TNS1: variants seen among roughly 807,000 people sequenced by gnomAD.
TNS1 encodes the protein tensin 1.
Under a neutral mutation model 168.6 loss-of-function variants are expected in TNS1, and 62 were observed. The observed-to-expected ratio is 0.37, with a 90% CI of 0.30 to 0.45. TNS1 has a LOEUF of 0.45. Among genes scored for constraint, TNS1 ranks in the 20% least tolerant of loss-of-function variants. The pLI, the probability that TNS1 is intolerant of heterozygous loss-of-function variation, is 1.00. For missense variants in TNS1, 2,240 were observed against 2,339.4 expected (o/e 0.96, Z 0.88); for synonymous variants, 934 against 933.2 (o/e 1.00, Z -0.02).
chr2:217,809,012 C>A (rs1262015802), intron 30 of TNS1, among the ~76,000 whole-genome samples: 1 of 152,188 alleles, frequency 6.6e-6, no homozygotes, highest in African/African-American at 2.4e-5. Context: ...TCCTAGAAAG[C>A]AGGTCCTTTT....
At chr2:217,807,862 G>T (rs887345716) in intron 32 of TNS1, among the ~76,000 whole-genome samples, 1 of 152,200 alleles carries the variant, frequency 6.6e-6, no homozygotes, top group African/African-American at 2.4e-5. Flanking sequence ...GAAGGCAGCT[G>T]GACCAGACGC....
At chr2:217,831,401 C>G (rs1944397862) in intron 22 of TNS1, 54 bp downstream of exon 22, 25 of 1,461,956 alleles carry the variant, frequency 1.7e-5, no homozygotes, top group Non-Finnish European at 2.3e-5. Context: ...TCCAGAACCA[C>G]AGGAGTCCTC....
chr2:217,890,154 T>A (rs1951598523), intron 12 of TNS1, among the ~76,000 whole-genome samples: 1 of 152,210 alleles, frequency 6.6e-6, no homozygotes, highest in Non-Finnish European at 1.5e-5. Context: ...CATCACACGA[T>A]AGCTCACCGT....
chr2:218,010,353 C>A, exon 1 of TNS1: 1 of 394,738 alleles, frequency 2.5e-6, no homozygotes, highest in Admixed American at 4.4e-5. Context: ...AGGAGCAGCC[C>A]GTGTCCTGCT....
intron 3 of TNS1, among the ~76,000 whole-genome samples, chr2:217,952,816 A>G (rs74555647): frequency 6.6e-6 from 1 of 152,188 alleles, no homozygotes; most frequent in Non-Finnish European, 1.5e-5. Context: ...AGGGCCCCCA[A>G]ATCAGGGAAA....
At chr2:217,815,708 T>C (rs1941788279) in intron 24 of TNS1, among the ~76,000 whole-genome samples, 1 of 152,216 alleles carries the variant, frequency 6.6e-6, no homozygotes, top group African/African-American at 2.4e-5. Flanking sequence ...TTTTCTCCCA[T>C]GGCCTAAAAC....
In TNS1 at chr2:217,848,830, G is replaced by A. The variant is rs1014781428; in HGVS notation, c.1687C>T (p.Arg563Trp). ...CCACTCAGCAGGCGGTCCAGCTCCC[G>A]CTTCTCCTGGGGACTCAAGGCAGCA... ...ATAALSPQEKRELDRLLSGFG... is the reference protein window; with the variant it reads ...ATAALSPQEKWELDRLLSGFG... The change falls in exon 19 of 33, where the codon CGG becomes TGG. Residue 563 changes from arginine (R) to tryptophan (W), a missense_variant. Arg to Trp is a moderately radical substitution (Grantham distance 101, BLOSUM62 -3). Around this residue, in one of 2 missense-constraint regions of TNS1, gnomAD observed 2,131 missense variants for 2,171.2 expected, o/e 0.98. Coordinates refer to ENST00000682258, the MANE Select transcript of TNS1 (RefSeq NM_001387777.1). The A allele has an allele frequency of 1.4e-5, 22 of 1,613,860 alleles. No individual in the cohort carries two copies. Among genetic ancestry groups the A allele is most frequent in the African/African-American group, 2.7e-5 (2 of 74,870 alleles).
Position 217,814,963 on chromosome 2 carries a change from C to T in TNS1, c.4678G>A (p.Val1560Ile). 6.2e-7 allele frequency: 1 copy of T among 1,613,690 alleles called. No individual in the cohort carries two copies. The highest frequency in any genetic ancestry group is 1.1e-5 in the South Asian group (1 of 90,824). Residue 1560 changes from valine (V) to isoleucine (I), a missense_variant, in exon 25 of 33, where the codon GTC becomes ATC. Val to Ile is a conservative substitution (Grantham distance 29). Transcript: ENST00000682258. ...TACCAATACTTAGAAGTGTCCTGGA[C>T]AAACTTCACTTTAGCCCGCGTCTCC... ...SPETRAKVKFVQDTSKYWYKP... is the reference protein window; with the variant it reads ...SPETRAKVKFIQDTSKYWYKP...
At chr2:217,976,069 G>A (rs992837537) in intron 3 of TNS1, among the ~76,000 whole-genome samples, 1 of 152,046 alleles carries the variant, frequency 6.6e-6, no homozygotes, top group African/African-American at 2.4e-5. Flanking sequence ...CATCATCTGG[G>A]TCCCACCTCA....
At chr2:217,941,647 A>G (rs1330960181) in intron 3 of TNS1, among the ~76,000 whole-genome samples, 1 of 152,178 alleles carries the variant, frequency 6.6e-6, no homozygotes. Context: ...CCAGGCCCTC[A>G]GCATCCCAAG....
At chr2:217,819,152 C>T (rs1942421362) in intron 23 of TNS1, among the ~76,000 whole-genome samples, 1 of 152,198 alleles carries the variant, frequency 6.6e-6, no homozygotes, top group African/African-American at 2.4e-5. Context: ...AATGGAGTTT[C>T]CTGGCTCCTG....
upstream of TNS1, among the ~76,000 whole-genome samples, chr2:218,011,869 C>T (rs1958709851): frequency 6.6e-6 from 1 of 152,110 alleles, no homozygotes; most frequent in Non-Finnish European, 1.5e-5. Flanking sequence ...ATTAGGGGCC[C>T]TCATCCTCTA....
chr2:217,877,526 G>A (rs1950299997), intron 18 of TNS1, among the ~76,000 whole-genome samples: 1 of 152,210 alleles, frequency 6.6e-6, no homozygotes, highest in Admixed American at 6.5e-5. Flanking sequence ...TGCCCCTTTG[G>A]CAGGCCCCCT....
At chr2:217,910,078 AC>A (rs1954188499) in intron 4 of TNS1, among the ~76,000 whole-genome samples, 2 of 151,984 alleles carry the variant, frequency 1.3e-5, no homozygotes, top group African/African-American at 4.8e-5. Flanking sequence ...CCTCACTGTG[AC>A]CCTCTTGCCC....
At chr2:217,881,456 C>A (rs776340012) in intron 17 of TNS1, 83 of 161,170 alleles carry the variant, frequency 5.1e-4, no homozygotes, top group Admixed American at 1.8e-4. Context: ...ATCACAGCCC[C>A]GACATTGAAA....
chr2:217,863,047 C>T (rs745527524), intron 18 of TNS1, among the ~76,000 whole-genome samples: 1 of 151,698 alleles, frequency 6.6e-6, no homozygotes, highest in Non-Finnish European at 1.5e-5. Flanking sequence ...CCCTGGTCAC[C>T]CCCTCCAAGG....
At chr2:217,930,579 G>T (rs1054694115) in intron 3 of TNS1, among the ~76,000 whole-genome samples, 13 of 152,236 alleles carry the variant, frequency 8.5e-5, no homozygotes, top group Non-Finnish European at 1.6e-4. Context: ...GAAGCCATGG[G>T]TGAGGTGTAG....
chr2:217,805,884 C>CACA (rs1553529655), intron 32 of TNS1, among the ~76,000 whole-genome samples: 1 of 147,166 alleles, frequency 6.8e-6, no homozygotes, highest in East Asian at 2.1e-4. Flanking sequence ...TATACACACA[C>CACA]CACACACACA....
intron 19 of TNS1, chr2:217,841,995 C>T (rs975628560): frequency 5.8e-6 from 4 of 694,078 alleles, no homozygotes; most frequent in Middle Eastern, 2.4e-4. Flanking sequence ...ACCACAGGGG[C>T]CACAGGAGTG....
Sources: gnomAD v4.1 joint callset for allele counts (sites outside exome capture counted in the v4.1 genomes callset) on GRCh38, gnomAD v4.1.1 for gene constraint, gnomAD v4.1.1 regional missense constraint, MANE v1.5 for transcripts, NCBI Gene and HGNC (gene_info 2026-07-23, HGNC 2026-07-21) for gene names.